Variants in PAX2 observed in about 807,000 individuals in gnomAD.
PAX2 encodes paired box 2, also known as paired box protein Pax-2.
PAX2 carries 9 observed loss-of-function variants against 41.7 expected under a neutral mutation model. The ratio of observed to expected loss-of-function variants is 0.22; its 90% CI spans 0.13 to 0.38. The LOEUF (loss-of-function observed/expected upper bound fraction) is 0.38. Among genes scored for constraint, PAX2 ranks in the 10% least tolerant of loss-of-function variants. The pLI, the probability that PAX2 is intolerant of heterozygous loss-of-function variation, is 1.00. For synonymous variants in PAX2, 221 were observed against 212.7 expected, an observed-to-expected ratio of 1.04 and a Z score of -0.34; for missense variants, 418 against 531.6, an observed-to-expected ratio of 0.79 and a Z score of 2.10.
rs1848703859 is a variant in PAX2, at chr10:100,829,402, C to T, written c.*1783C>T. 9.6e-6 allele frequency: 2 copies of T among 207,462 alleles called. No homozygotes were observed. The highest frequency in any genetic ancestry group is 2.0e-5 in the Non-Finnish European group (2 of 101,388). 12.9% of individuals were successfully genotyped at this position (207,462 alleles called of 1,614,324 possible). A position where few individuals can be genotyped will look rare whatever the true frequency, so the allele number is the denominator to read the frequency against. The stretch of plus-strand genomic sequence containing the variant: ...GTGGCAGCTCCAGCCCCCGGGCTCG[C>T]CCCCTCGCGGGCGTGCCCCGCGCGC... On this transcript the variant is annotated 3_prime_UTR_variant, in exon 10 of 10. Transcript: ENST00000355243.
chr10:100,776,904 A>G (rs1471239711), intron 3 of PAX2, among the ~76,000 whole-genome samples: 2 of 152,106 alleles, frequency 1.3e-5, no homozygotes, highest in Non-Finnish European at 2.9e-5. Flanking sequence ...CCAGCTCCCT[A>G]TCGCCTCATG....
At chr10:100,759,714 C>T (rs1845767283) in intron 3 of PAX2, among the ~76,000 whole-genome samples, 2 of 152,142 alleles carry the variant, frequency 1.3e-5, no homozygotes, top group Non-Finnish European at 2.9e-5. Context: ...CTGTGTTCAC[C>T]CTGCAGGCAC....
At chr10:100,772,278 C>T (rs111751967) in intron 3 of PAX2, among the ~76,000 whole-genome samples, 2,869 of 152,072 alleles carry the variant, frequency 0.019, 90 homozygotes, top group African/African-American at 0.061. Context: ...CTCAGCCTCC[C>T]GAGTAGCTGG....
chr10:100,784,385 G>A (rs1846764211), intron 5 of PAX2, among the ~76,000 whole-genome samples: 2 of 152,166 alleles, frequency 1.3e-5, no homozygotes, highest in South Asian at 4.1e-4. Flanking sequence ...ACATTAAAGG[G>A]CTAGACCCTA....
intron 5 of PAX2, among the ~76,000 whole-genome samples, chr10:100,803,732 C>G (rs182251526): frequency 3.7e-4 from 56 of 152,118 alleles, no homozygotes; most frequent in African/African-American, 1.3e-3. Context: ...TCTAACGCCT[C>G]CTTTCTCCTC....
intron 1 of PAX2, chr10:100,749,234 C>T: frequency 2.0e-6 from 2 of 991,066 alleles, no homozygotes; most frequent in Non-Finnish European, 2.4e-6. Flanking sequence ...AGGCACTTAT[C>T]CCCTGTCTGT....
At chr10:100,775,472 G>C (rs1441036941) in intron 3 of PAX2, among the ~76,000 whole-genome samples, 1 of 151,848 alleles carries the variant, frequency 6.6e-6, no homozygotes, top group Non-Finnish European at 1.5e-5. Context: ...TGGACACCAA[G>C]AGCATTAGTA....
At chr10:100,810,459 G>A (rs1370705618) in intron 7 of PAX2, among the ~76,000 whole-genome samples, 1 of 152,210 alleles carries the variant, frequency 6.6e-6, no homozygotes, top group Non-Finnish European at 1.5e-5. Flanking sequence ...GACCTGGACT[G>A]GGCTTTCGGG....
At chr10:100,788,378 G>A (rs1468450834) in intron 5 of PAX2, among the ~76,000 whole-genome samples, 1 of 152,238 alleles carries the variant, frequency 6.6e-6, no homozygotes, top group Non-Finnish European at 1.5e-5. Context: ...CTTCTGGAGG[G>A]GCAGTGGGAG....
upstream of PAX2, among the ~76,000 whole-genome samples, chr10:100,741,213 G>A (rs545822116): frequency 1.4e-4 from 22 of 152,074 alleles, no homozygotes; most frequent in Non-Finnish European, 2.5e-4. Context: ...CAGGCCCCCC[G>A]GGCTTCACGC....
chr10:100,759,403 C>T (rs754716092), intron 3 of PAX2, among the ~76,000 whole-genome samples: 4 of 152,210 alleles, frequency 2.6e-5, no homozygotes, highest in Non-Finnish European at 5.9e-5. Context: ...TGGCCCCTCT[C>T]GGCAGGCTGT....
chr10:100,809,464 G>A (rs918720882), intron 7 of PAX2, among the ~76,000 whole-genome samples: 1 of 152,242 alleles, frequency 6.6e-6, no homozygotes, highest in African/African-American at 2.4e-5. Context: ...GATGCTAGGA[G>A]GGGCTGTTGC....
In PAX2 at chr10:100,826,344, C is replaced by T. The variant is rs537341101; in HGVS notation, c.1022-665C>T. On this transcript the variant is annotated intron_variant, in intron 8 of 9. Coordinates refer to ENST00000355243, the MANE Select transcript of PAX2 (RefSeq NM_000278.5). This position sits in a 1 kb window ranked among gnomAD's most constrained non-coding sequence, Gnocchi z 5.5. Reference sequence around the variant, plus strand: ...GGAAACCTGGAGGCCTGGCCTTTCTCCCGCAGAGGGAGGGAGGTAGCTTCC... The same window carrying T: ...GGAAACCTGGAGGCCTGGCCTTTCTTCCGCAGAGGGAGGGAGGTAGCTTCC... 6.6e-6 allele frequency among the ~76,000 whole-genome samples: 1 copy of T among 152,218 alleles called. No individual in the cohort carries two copies. The highest frequency in any genetic ancestry group is 1.5e-5 in the Non-Finnish European group (1 of 68,006).
rs1315607496 is a variant in PAX2 at position 100,748,930 on chromosome 10, G to A, written c.44-816G>A. ...ACGGTGGGCCCCAACCAGGCTCTGC[G>A]AGGCGCGGCAGGCAGGCGAGCCCAA... On this transcript the variant is annotated intron_variant, in intron 1 of 9. Coordinates refer to ENST00000355243, the MANE Select transcript of PAX2 (RefSeq NM_000278.5). The surrounding 1 kb of genome is among the most constrained non-coding windows in gnomAD (Gnocchi z 5.0). The A allele has an allele frequency of 1.4e-5, 14 of 985,238 alleles. No homozygotes were observed. Among genetic ancestry groups the A allele is most frequent in the Non-Finnish European group, 1.6e-5 (13 of 829,930 alleles). 61.0% of individuals were successfully genotyped at this position (985,238 alleles called of 1,614,324 possible).
At chr10:100,820,013 T>C (rs1209534001) in intron 7 of PAX2, among the ~76,000 whole-genome samples, 29 of 152,214 alleles carry the variant, frequency 1.9e-4, no homozygotes, top group Admixed American at 1.9e-3. Context: ...TCAAGTACAG[T>C]GCTTTGAACA....
intron 7 of PAX2, among the ~76,000 whole-genome samples, chr10:100,817,217 G>A (rs545829332): frequency 7.4e-4 from 112 of 152,290 alleles, no homozygotes; most frequent in African/African-American, 2.6e-3. Context: ...TCTGGAAAGA[G>A]GACTGGGAAG....
Position 100,824,077 on chromosome 10 carries a change from G to C in PAX2, c.920-571G>C, listed in dbSNP as rs1848457571. On this transcript the variant is annotated intron_variant, in intron 7 of 9. Transcript: ENST00000355243. The surrounding 1 kb of genome is among the most constrained non-coding windows in gnomAD (Gnocchi z 6.6). ...AAAATAGCCCACTGGCTGCCCCCCT[G>C]CTCTCCACACCTGCCAGGACCAGGA... Among the ~76,000 whole-genome samples the C allele has an allele frequency of 6.6e-6, 1 of 152,096 alleles. No homozygotes were observed. Among genetic ancestry groups the C allele is most frequent in the African/African-American group, 2.4e-5 (1 of 41,402 alleles).
At chr10:100,773,282 T>C (rs1846275100) in intron 3 of PAX2, among the ~76,000 whole-genome samples, 1 of 152,168 alleles carries the variant, frequency 6.6e-6, no homozygotes, top group Non-Finnish European at 1.5e-5. Context: ...TTTTTGTTTT[T>C]GTTTTTAAAC....
At chr10:100,759,006 G>A (rs1310368284) in intron 3 of PAX2, among the ~76,000 whole-genome samples, 1 of 152,192 alleles carries the variant, frequency 6.6e-6, no homozygotes, top group Non-Finnish European at 1.5e-5. Context: ...GGCAGGAAGC[G>A]ATGAAGCTGA....
Sources: gnomAD v4.1 joint callset for allele counts (sites outside exome capture counted in the v4.1 genomes callset) on GRCh38, gnomAD v4.1.1 for gene constraint, Gnocchi (gnomAD v3.1) non-coding constraint, MANE v1.5 for transcripts, NCBI Gene and HGNC (gene_info 2026-07-23, HGNC 2026-07-21) for gene names.